TARM1: variants seen among roughly 807,000 people sequenced by gnomAD.
TARM1 encodes T-cell-interacting, activating receptor on myeloid cells protein 1.
A neutral mutation model predicts 30.4 loss-of-function variants in TARM1; 24 were observed. The ratio of observed to expected loss-of-function variants is 0.79; its 90% CI spans 0.57 to 1.11. The LOEUF is 1.11. Among genes scored for constraint, TARM1 ranks in the 50% least tolerant of loss-of-function variants. The pLI is 0.00. For missense variants in TARM1, 323 were observed against 332.8 expected (o/e 0.97, Z 0.23); for synonymous variants, 129 against 138.9 (o/e 0.93, Z 0.50).
At position 54,074,907 on chromosome 19, in the gene TARM1, C is replaced by T. The variant is rs1229394424; in HGVS notation, c.278G>A (p.Gly93Glu). The change falls in exon 3 of 5, where the codon GGA becomes GAA. Residue 93 changes from glycine to glutamate, a missense_variant. By Grantham distance (98) the Gly-to-Glu change is moderately conservative. Transcript: ENST00000432826. ...HLNNLKVRNAGEYTCEYYRKA... is the reference protein window; with the variant it reads ...HLNNLKVRNAEEYTCEYYRKA... ...TCTGTAGTATTCACAGGTGTACTCT[C>T]CAGCATTTCTGACTTTTAGATTATT... The T allele has an allele frequency of 1.3e-6, 2 of 1,551,476 alleles. No homozygotes were observed. The highest frequency in any genetic ancestry group is 1.7e-6 in the Non-Finnish European group (2 of 1,146,980).
Position 54,074,948 on chromosome 19 carries a change from C to T in TARM1, c.237G>A (p.Ala79=), listed in dbSNP as rs760187546. The T allele has an allele frequency of 1.9e-5, 30 of 1,551,388 alleles. No individual in the cohort carries two copies. The highest frequency in any genetic ancestry group is 1.2e-4 in the Admixed American group (6 of 50,930). ...TTAGATTATTGAGGTGAAATTCGGC[C>T]GCGCCCTCTGTAGAATCAAGGGGCT... is the stretch of plus-strand genomic sequence containing the variant. ...SPKPLDSTEG[A]AEFHLNNLKV... is the part of the protein sequence containing the mutation. The change falls in exon 3 of 5, where the codon GCG becomes GCA. Residue 79 remains alanine, a synonymous_variant. Transcript: ENST00000432826.
rs191867156 is a variant in TARM1 at position 54,070,357 on chromosome 19, A to G, written c.659-197T>C. Among the ~76,000 whole-genome samples the G allele has an allele frequency of 3.9e-3, 592 of 151,470 alleles. 5 individuals carry two copies. The highest frequency in any genetic ancestry group is 0.014 in the African/African-American group (570 of 41,230). On this transcript the variant is annotated intron_variant, in intron 4 of 4. Transcript: ENST00000432826. ...CAGCTCACCACAACCTCTGCCTCCC[A>G]GGTTCAAGCCTCCCTGCCTCAGCCT...
chr19:54,074,745 C>T (rs1447222137), intron 3 of TARM1, 79 bp downstream of exon 3: 3 of 1,432,438 alleles, frequency 2.1e-6, no homozygotes, highest in Non-Finnish European at 2.8e-6. Flanking sequence ...AAGGTGGGAC[C>T]CCTTTTCTCC....
intron 1 of TARM1, among the ~76,000 whole-genome samples, chr19:54,079,546 C>T (rs2072044073): frequency 6.6e-6 from 1 of 151,850 alleles, no homozygotes; most frequent in African/African-American, 2.4e-5. Flanking sequence ...CTGCTGAGGG[C>T]CAGGATGGGA....
rs763571041 is a variant in TARM1 at position 54,073,907 on chromosome 19, T to C, written c.658+13A>G. The C allele has an allele frequency of 7.7e-6, 12 of 1,549,558 alleles. No individual in the cohort carries two copies. The highest frequency in any genetic ancestry group is 1.0e-5 in the Non-Finnish European group (12 of 1,145,236). On this transcript the variant is annotated intron_variant, in intron 4 of 4. Coordinates refer to ENST00000432826, the MANE Select transcript of TARM1 (RefSeq NM_001135686.3). Reference sequence around the variant, plus strand: ...CAACACACACAGTTCCTCAAAACCATACACGCCCTTACCTGTCACCAATAT... The same window carrying C: ...CAACACACACAGTTCCTCAAAACCACACACGCCCTTACCTGTCACCAATAT...
At chr19:54,075,799 AG>A in intron 2 of TARM1, 83 bp downstream of exon 2, 4 of 1,442,402 alleles carry the variant, frequency 2.8e-6, no homozygotes, top group African/African-American at 2.9e-5. Context: ...CAAAAAAAAA[AG>A]AGAAAAAGAG....
At chr19:54,071,889 G>A (rs2071821835) in intron 4 of TARM1, among the ~76,000 whole-genome samples, 2 of 150,984 alleles carry the variant, frequency 1.3e-5, no homozygotes, top group South Asian at 4.2e-4. Flanking sequence ...AGGCTGATTT[G>A]AGTAATAATA....
At chr19:54,071,916 G>C (rs780549601) in intron 4 of TARM1, among the ~76,000 whole-genome samples, 24 of 151,972 alleles carry the variant, frequency 1.6e-4, no homozygotes, top group Non-Finnish European at 3.2e-4. Flanking sequence ...TGATTGGCCA[G>C]GTGCAGTGGC....
rs1280447900 is a variant in TARM1, at chr19:54,070,018, G to C, written c.801C>G (p.Ala267=). 2 of 1,551,468 alleles carry C rather than the reference G, an allele frequency of 1.3e-6. No individual in the cohort carries two copies. The highest frequency in any genetic ancestry group is 3.3e-4 in the Middle Eastern group (2 of 5,986). Residue 267 remains alanine (A), a synonymous_variant, in exon 5 of 5, where the codon GCC becomes GCG. Coordinates refer to ENST00000432826, the MANE Select transcript of TARM1 (RefSeq NM_001135686.3). ...CAAGATGGAGTCACTCTGGTTTGAA[G>C]GCCTCTGATTCACCTGGAGACACAT... The part of the protein sequence containing the change: ...SRNVSPGESE[A]FKPE
chr19:54,070,552 G>A (rs144351748), intron 4 of TARM1, among the ~76,000 whole-genome samples: 6,467 of 151,568 alleles, frequency 0.043, 195 homozygotes, highest in Non-Finnish European at 0.063. Context: ...GAGCCACCGC[G>A]CCCGGCCACC....
chr19:54,070,330 C>A (rs143295359), intron 4 of TARM1, among the ~76,000 whole-genome samples, 170 bp from the exon 5 acceptor site: 1,802 of 151,920 alleles, frequency 0.012, 13 homozygotes, highest in Non-Finnish European at 0.018. Context: ...GTGGTGTAAT[C>A]TCAGCTCACC....
Position 54,080,188 on chromosome 19 carries a change from C to A in TARM1, c.34+1119G>T, listed in dbSNP as rs184082524. 6.3e-3 allele frequency among the ~76,000 whole-genome samples: 799 copies of A among 127,736 alleles called. 30 individuals are homozygous for A. The highest frequency in any genetic ancestry group is 9.7e-3 in the African/African-American group (330 of 33,940). 83.8% of individuals were successfully genotyped at this position (127,736 alleles called of 152,430 possible). ...GCAAGCAAGCAAGCAAGCAAGCAAG[C>A]AAGCAGGCAAGCAAGCGGGGGCTCA... On this transcript the variant is annotated intron_variant, in intron 1 of 4. Transcript: ENST00000432826.
rs1202215461 is a variant in TARM1 at position 54,074,846 on chromosome 19, G to A, written c.339C>T (p.Asp113=). The A allele has an allele frequency of 8.4e-6, 13 of 1,551,458 alleles. No individual in the cohort carries two copies. The highest frequency in any genetic ancestry group is 2.4e-5 in the East Asian group (1 of 40,922). ...ASPHILSQHS[D]VLLLLVTGHL... is the part of the protein sequence containing the mutation. Reference sequence around the variant, plus strand: ...TACCTGTCACCAACAGTAGAAGGACGTCACTGTGCTGTGAAAGGATGTGGG... The same window carrying A: ...TACCTGTCACCAACAGTAGAAGGACATCACTGTGCTGTGAAAGGATGTGGG... The change falls in exon 3 of 5, where the codon GAC becomes GAT. Residue 113 remains aspartate (D), a synonymous_variant. Coordinates refer to ENST00000432826, the MANE Select transcript of TARM1 (RefSeq NM_001135686.3).
Position 54,073,791 on chromosome 19 carries a change from C to A in TARM1, c.658+129G>T, listed in dbSNP as rs1202262307. 11 of 1,236,658 alleles carry A rather than the reference C, an allele frequency of 8.9e-6. No individual in the cohort carries two copies. In the East Asian group the frequency reaches 2.6e-4, roughly 29 times the overall value. 76.6% of individuals were successfully genotyped at this position (1,236,658 alleles called of 1,614,324 possible). A position where few individuals can be genotyped will look rare whatever the true frequency, so the allele number is the denominator to read the frequency against. On this transcript the variant is annotated intron_variant, in intron 4 of 4. Transcript: ENST00000432826. ...GACAGGCATGAGCCACCACGCCAGG[C>A]CAGAAAGGGAAGATTTTGTTAAGAG...
chr19:54,075,199 T>C (rs1190726518), intron 2 of TARM1, 85 bp from the exon 3 acceptor site: 1 of 1,198,196 alleles, frequency 8.3e-7, no homozygotes, highest in Non-Finnish European at 1.1e-6. Context: ...ATTATTATTA[T>C]TATTTTGAGA....
In TARM1 at chr19:54,080,142, AGC is replaced by A. The variant is rs2072077658; in HGVS notation, c.34+1163_34+1164del. ...AAGGAAGGAAGGAAGGAAGGAAGAAAGCAAGCAAGCAAGCAAGCAAGCAAGCA... is the reference window on the plus strand; with the variant it reads ...AAGGAAGGAAGGAAGGAAGGAAGAAAAAGCAAGCAAGCAAGCAAGCAAGCA... On this transcript the variant is annotated intron_variant, in intron 1 of 4. Transcript: ENST00000432826. Among the ~76,000 whole-genome samples, 23 of 87,596 alleles carry A rather than the reference AGC, an allele frequency of 2.6e-4. 6 individuals carry two copies. The highest frequency in any genetic ancestry group is 1.1e-3 in the Admixed American group (7 of 6,598). The allele number at this position is 87,596 out of a possible 152,430, so 57.5% of individuals were successfully genotyped here. A position where few individuals can be genotyped will look rare whatever the true frequency, so the allele number is the denominator to read the frequency against.
chr19:54,072,229 C>T (rs2071830269), intron 4 of TARM1, among the ~76,000 whole-genome samples: 1 of 152,094 alleles, frequency 6.6e-6, no homozygotes, highest in Admixed American at 6.6e-5. Flanking sequence ...CTCCCACTTA[C>T]CTGGCTCAAT....
At chr19:54,080,054 G>C (rs1224454971) in intron 1 of TARM1, among the ~76,000 whole-genome samples, 3 of 31,244 alleles carry the variant, frequency 9.6e-5, no homozygotes, top group Admixed American at 4.9e-4. Context: ...GGAAGGGAAA[G>C]AGAGAGAGGA....
In TARM1 at chr19:54,070,144, T is replaced by C; in HGVS notation, c.675A>G (p.Thr225=). ...EILVTVPPGT[T]SSNYSLGNFV... Reference sequence around the variant, plus strand: ...AGTTACCCAGGGAGTAGTTGCTCGATGTGGTACCTGGGGGAACTGAAAGAG... The same window carrying C: ...AGTTACCCAGGGAGTAGTTGCTCGACGTGGTACCTGGGGGAACTGAAAGAG... Residue 225 remains threonine (T), a synonymous_variant, in exon 5 of 5, where the codon ACA becomes ACG. Coordinates refer to ENST00000432826, the MANE Select transcript of TARM1 (RefSeq NM_001135686.3). 2.6e-6 allele frequency: 4 copies of C among 1,551,632 alleles called. No homozygotes were observed. Among genetic ancestry groups the C allele is most frequent in the Non-Finnish European group, 3.5e-6 (4 of 1,146,948 alleles).
Sources: gnomAD v4.1 joint callset for allele counts (sites outside exome capture counted in the v4.1 genomes callset) on GRCh38, gnomAD v4.1.1 for gene constraint, MANE v1.5 for transcripts, NCBI Gene and HGNC (gene_info 2026-07-23, HGNC 2026-07-21) for gene names.